Variants in B3GALT5 observed in about 807,000 individuals in gnomAD.
B3GALT5 encodes the protein UDP-Gal:betaGlcNAc beta 1,3-galactosyltransferase, polypeptide 5.
For missense variants in B3GALT5, 328 were observed against 396.6 expected, an observed-to-expected ratio of 0.83 and a Z score of 1.47; for synonymous variants, 156 against 158.6, an observed-to-expected ratio of 0.98 and a Z score of 0.12.
chr21:39,633,004 T>C (rs898299825), intron 1 of B3GALT5, among the ~76,000 whole-genome samples: 1 of 152,206 alleles, frequency 6.6e-6, no homozygotes, highest in Admixed American at 6.5e-5. Context: ...AGTCAGGCAG[T>C]TGCAATATCT....
At chr21:39,633,573 CTCTT>C (rs1490491352) in intron 1 of B3GALT5, among the ~76,000 whole-genome samples, 1 of 152,218 alleles carries the variant, frequency 6.6e-6, no homozygotes, top group Non-Finnish European at 1.5e-5. Context: ...ATCTCCTAAA[CTCTT>C]TCTTTGTAAA....
chr21:39,614,049 G>A (rs1335096739), intron 1 of B3GALT5, among the ~76,000 whole-genome samples: 1 of 152,168 alleles, frequency 6.6e-6, no homozygotes, highest in Non-Finnish European at 1.5e-5. Flanking sequence ...GTCATGTTTC[G>A]TTGGGTGCTT....
At chr21:39,620,459 C>T (rs1468661943) in intron 1 of B3GALT5, among the ~76,000 whole-genome samples, 1 of 152,078 alleles carries the variant, frequency 6.6e-6, no homozygotes, top group East Asian at 1.9e-4. Flanking sequence ...TGTAGAGTCT[C>T]TTGGATGTTT....
Position 39,668,984 on chromosome 21 carries a change from TC to T in B3GALT5, c.*7493del, listed in dbSNP as rs1479103697. 2 of 152,256 alleles carry T rather than the reference TC, an allele frequency of 1.3e-5. No individual in the cohort carries two copies. The highest frequency in any genetic ancestry group is 2.9e-5 in the Non-Finnish European group (2 of 68,078). The allele number at this position is 152,256 out of a possible 1,614,324, so 9.4% of individuals were successfully genotyped here. ...GTTTGGGCTGTGAATTTTGGTGGAT[TC>T]TATGGTGGTGTATACAGCACTATCT... On this transcript the variant is annotated 3_prime_UTR_variant, in exon 4 of 4. Transcript: ENST00000684187.
At chr21:39,617,963 C>A (rs570853447) in intron 1 of B3GALT5, among the ~76,000 whole-genome samples, 1 of 151,636 alleles carries the variant, frequency 6.6e-6, no homozygotes, top group African/African-American at 2.4e-5. Flanking sequence ...CATAGCGAAT[C>A]CTCATCTCTA....
intron 2 of B3GALT5, among the ~76,000 whole-genome samples, chr21:39,650,909 C>T (rs2146208794): frequency 6.6e-6 from 1 of 151,972 alleles, no homozygotes; most frequent in Admixed American, 6.5e-5. Context: ...TTCTTCCACC[C>T]CAGCGCCAAC....
At chr21:39,619,950 G>A (rs1268728685) in intron 1 of B3GALT5, among the ~76,000 whole-genome samples, 1 of 152,178 alleles carries the variant, frequency 6.6e-6, no homozygotes, top group Non-Finnish European at 1.5e-5. Flanking sequence ...TGGGATTACA[G>A]GCGTGTGCCA....
intron 1 of B3GALT5, among the ~76,000 whole-genome samples, chr21:39,613,333 G>C (rs1486370340): frequency 6.6e-6 from 1 of 152,262 alleles, no homozygotes; most frequent in Non-Finnish European, 1.5e-5. Flanking sequence ...CGAGGAAGTT[G>C]TGTTCCTGGG....
chr21:39,621,798 CT>C (rs1320586243), intron 1 of B3GALT5, among the ~76,000 whole-genome samples: 7 of 151,556 alleles, frequency 4.6e-5, no homozygotes, highest in Admixed American at 2.0e-4. Flanking sequence ...CTCTTTTTTT[CT>C]TGTTAAATCT....
chr21:39,626,273 C>T (rs748599276), intron 1 of B3GALT5, among the ~76,000 whole-genome samples: 4 of 152,186 alleles, frequency 2.6e-5, no homozygotes, highest in Non-Finnish European at 5.9e-5. Flanking sequence ...CTTTTTAGGG[C>T]AGAATAGTAT....
At chr21:39,615,440 C>T (rs546519474) in intron 1 of B3GALT5, among the ~76,000 whole-genome samples, 2 of 152,328 alleles carry the variant, frequency 1.3e-5, no homozygotes, top group South Asian at 4.1e-4. Flanking sequence ...ATTTGAAAAA[C>T]AAAACAACCG....
intron 1 of B3GALT5, among the ~76,000 whole-genome samples, chr21:39,624,224 C>T (rs1602257164): frequency 2.0e-5 from 3 of 152,258 alleles, no homozygotes; most frequent in East Asian, 1.9e-4. Flanking sequence ...TGCATTCGCT[C>T]CCCCCATAAA....
In B3GALT5 at chr21:39,664,138, A is replaced by G. The variant is rs4818064; in HGVS notation, c.*2646A>G. On this transcript the variant is annotated 3_prime_UTR_variant, in exon 4 of 4. Coordinates refer to ENST00000684187, the MANE Select transcript of B3GALT5 (RefSeq NM_001356336.2). Reference sequence around the variant, plus strand: ...GAGGCAGAGAGAGAGAGGGTGAACAACTCATTCAAGGTTACATAGGTGAAA... The same window carrying G: ...GAGGCAGAGAGAGAGAGGGTGAACAGCTCATTCAAGGTTACATAGGTGAAA... The G allele has an allele frequency of 0.06, 9,153 of 152,314 alleles. 471 individuals are homozygous for G. Among genetic ancestry groups the G allele is most frequent in the South Asian group, 0.17 (842 of 4,816 alleles). The allele number at this position is 152,314 out of a possible 1,614,324, so 9.4% of individuals were successfully genotyped here.
chr21:39,639,410 TTC>T lies in B3GALT5; in HGVS notation c.-391-6980_-391-6979del, dbSNP rs1360368737. On this transcript the variant is annotated intron_variant, in intron 1 of 3. Transcript: ENST00000684187. ...TCCTTCCTTCTTTCTTTTTCTTTCT[TTC>T]TTTCTTTCTTTCTTTCTTTCTTTCT... Among the ~76,000 whole-genome samples the T allele has an allele frequency of 2.8e-3, 263 of 94,560 alleles. 2 individuals carry two copies. The highest frequency in any genetic ancestry group is 0.018 in the East Asian group (56 of 3,198). 62.0% of individuals were successfully genotyped at this position (94,560 alleles called of 152,430 possible). A position where few individuals can be genotyped will look rare whatever the true frequency, so the allele number is the denominator to read the frequency against.
intron 1 of B3GALT5, among the ~76,000 whole-genome samples, chr21:39,625,544 A>G (rs1160489166): frequency 6.6e-6 from 1 of 152,238 alleles, no homozygotes; most frequent in Non-Finnish European, 1.5e-5. Flanking sequence ...TTAGTTTCAA[A>G]TAAATTTGGG....
At chr21:39,653,354 C>G (rs1203675384) in intron 2 of B3GALT5, among the ~76,000 whole-genome samples, 1 of 152,200 alleles carries the variant, frequency 6.6e-6, no homozygotes, top group African/African-American at 2.4e-5. Context: ...AATTTATTGC[C>G]TCTTGGCTCC....
chr21:39,645,698 G>T (rs894422991), intron 1 of B3GALT5, among the ~76,000 whole-genome samples: 1 of 152,142 alleles, frequency 6.6e-6, no homozygotes, highest in Non-Finnish European at 1.5e-5. Context: ...ATTGGGGGGA[G>T]TCATACTGGA....
chr21:39,665,201 A>T lies in B3GALT5; in HGVS notation c.*3709A>T, dbSNP rs950672075. 1 of 152,012 alleles carries T rather than the reference A, an allele frequency of 6.6e-6. No homozygotes were observed. Among genetic ancestry groups the T allele is most frequent in the Non-Finnish European group, 1.5e-5 (1 of 68,030 alleles). The allele number at this position is 152,012 out of a possible 1,614,324, so 9.4% of individuals were successfully genotyped here. A position where few individuals can be genotyped will look rare whatever the true frequency, so the allele number is the denominator to read the frequency against. ...CTGGAGCCATTCCGACTCCTCTCCC[A>T]TCTGGTGCATCAGGAAAGACTGTGG... is the stretch of plus-strand genomic sequence containing the variant. On this transcript the variant is annotated 3_prime_UTR_variant, in exon 4 of 4. Transcript: ENST00000684187.
intron 1 of B3GALT5, among the ~76,000 whole-genome samples, chr21:39,634,755 T>C (rs2079215087): frequency 1.3e-5 from 2 of 152,088 alleles, no homozygotes. Flanking sequence ...GGGAATCTGC[T>C]TCAGGCCAGG....
Sources: gnomAD v4.1 joint callset for allele counts (sites outside exome capture counted in the v4.1 genomes callset) on GRCh38, gnomAD v4.1.1 for gene constraint, MANE v1.5 for transcripts, NCBI Gene and HGNC (gene_info 2026-07-23, HGNC 2026-07-21) for gene names.